Variants in ARHGEF28 observed in about 807,000 individuals in gnomAD.
ARHGEF28 encodes the protein Rho guanine nucleotide exchange factor 28, also known as 190 kDa guanine nucleotide exchange factor.
ARHGEF28 carries 152 observed loss-of-function variants against 206.6 expected under a neutral mutation model. That is an observed-to-expected ratio of 0.74 (90% CI 0.64 to 0.84). The LOEUF (loss-of-function observed/expected upper bound fraction) is 0.84. Ranked by LOEUF, ARHGEF28 falls within the 40% of genes least tolerant of loss-of-function variation. ARHGEF28 has a pLI of 0.00. For synonymous variants in ARHGEF28, 763 were observed against 776.4 expected (o/e 0.98, Z 0.29); for missense variants, 2,028 against 2,073.2 (o/e 0.98, Z 0.42).
At chr5:73,772,552 T>C (rs1753279850) in intron 4 of ARHGEF28, among the ~76,000 whole-genome samples, 1 of 152,150 alleles carries the variant, frequency 6.6e-6, no homozygotes, top group Non-Finnish European at 1.5e-5. Context: ...TTAATTTTTG[T>C]ATTTTTTGTG....
chr5:73,893,144 A>T, intron 27 of ARHGEF28, 53 bp from the exon 28 acceptor site: 1 of 1,400,422 alleles, frequency 7.1e-7, no homozygotes, highest in Non-Finnish European at 9.6e-7. Flanking sequence ...TAATGAATCT[A>T]CAGATACTTG....
intron 17 of ARHGEF28, 132 bp from the exon 18 acceptor site, chr5:73,865,833 T>A: frequency 1.4e-6 from 1 of 726,100 alleles, no homozygotes; most frequent in Non-Finnish European, 2.2e-6. Flanking sequence ...GTCTTTTGCT[T>A]TGAATTCCTC....
rs1055943207 is a variant in ARHGEF28, at chr5:73,813,389, C to T, written c.1024+17998C>T. ...AGTTTGGCTTTAATATTTACAGCCTCCTTGTCGGTCTACACGCCTGAATGC... is the reference window on the plus strand; with the variant it reads ...AGTTTGGCTTTAATATTTACAGCCTTCTTGTCGGTCTACACGCCTGAATGC... On this transcript the variant is annotated intron_variant, in intron 9 of 35. Coordinates refer to ENST00000513042, the MANE Select transcript of ARHGEF28 (RefSeq NM_001177693.2). 6 of 1,102,922 alleles carry T rather than the reference C, an allele frequency of 5.4e-6. No homozygotes were observed. In the Admixed American group the frequency reaches 9.3e-5, roughly 17 times the overall value. 68.3% of individuals were successfully genotyped at this position (1,102,922 alleles called of 1,614,324 possible). A position where few individuals can be genotyped will look rare whatever the true frequency, so the allele number is the denominator to read the frequency against.
Position 73,897,986 on chromosome 5 carries a change from A to G in ARHGEF28, c.3866A>G (p.Lys1289Arg), listed in dbSNP as rs1762053754. The change falls in exon 30 of 36, where the codon AAG (lysine) becomes AGG (arginine). Residue 1289 changes from lysine (K) to arginine (R), a missense_variant. This residue lies in a region of ARHGEF28 where 803 missense variants were observed against 768.0 expected (regional missense o/e 1.05). Coordinates refer to ENST00000513042, the MANE Select transcript of ARHGEF28 (RefSeq NM_001177693.2). ...KEAESLQVAV[K>R]ASQMGAVSQS... Reference sequence around the variant, plus strand: ...GCTGAGAGCCTACAAGTTGCAGTGAAGGCCTCACAGATGGGCGCCGTGAGT... The same window carrying G: ...GCTGAGAGCCTACAAGTTGCAGTGAGGGCCTCACAGATGGGCGCCGTGAGT... 1.9e-6 allele frequency: 3 copies of G among 1,589,534 alleles called. No homozygotes were observed. In the African/African-American group the frequency reaches 4.0e-5, roughly 21 times the overall value.
At chr5:73,899,755 C>T (rs1762160724) in intron 30 of ARHGEF28, 1 of 152,216 alleles carries the variant, frequency 6.6e-6, no homozygotes, top group Admixed American at 6.5e-5. Context: ...GCAGACAGCT[C>T]TATTTTCAGT....
chr5:73,891,941 G>A (rs1761668196), intron 26 of ARHGEF28, 111 bp from the exon 27 acceptor site: 1 of 923,478 alleles, frequency 1.1e-6, no homozygotes, highest in South Asian at 1.9e-5. Flanking sequence ...TGAAAAGATT[G>A]GAAGTGGAGA....
At chr5:73,790,771 T>A (rs1754434013) in intron 7 of ARHGEF28, among the ~76,000 whole-genome samples, 1 of 152,172 alleles carries the variant, frequency 6.6e-6, no homozygotes, top group Non-Finnish European at 1.5e-5. Flanking sequence ...AAGTAGTCTC[T>A]CAAGTGCCTT....
At chr5:73,893,354 G>C in intron 28 of ARHGEF28, 66 bp downstream of exon 28, 2 of 1,299,762 alleles carry the variant, frequency 1.5e-6, no homozygotes, top group Non-Finnish European at 2.1e-6. Context: ...AAGCCTGAGT[G>C]TCATGAACAG....
At chr5:73,736,633 G>A (rs1750953188) in intron 2 of ARHGEF28, among the ~76,000 whole-genome samples, 1 of 152,024 alleles carries the variant, frequency 6.6e-6, no homozygotes, top group Non-Finnish European at 1.5e-5. Context: ...AAATACTACT[G>A]TTTTTGCATT....
chr5:73,721,839 G>A (rs968800254), intron 2 of ARHGEF28, among the ~76,000 whole-genome samples: 1 of 152,150 alleles, frequency 6.6e-6, no homozygotes, highest in East Asian at 1.9e-4. Context: ...TAGTTGTCAG[G>A]CCAGTGCCCT....
chr5:73,892,408 G>T (rs149336191), intron 27 of ARHGEF28, among the ~76,000 whole-genome samples, 178 bp downstream of exon 27: 4 of 152,228 alleles, frequency 2.6e-5, no homozygotes, highest in African/African-American at 9.6e-5. Flanking sequence ...CTCCCTGCAT[G>T]TAATGCCTGC....
In ARHGEF28 at chr5:73,893,332, T is replaced by TG; in HGVS notation, c.3658+47dup. On this transcript the variant is annotated intron_variant, in intron 28 of 35. Coordinates refer to ENST00000513042, the MANE Select transcript of ARHGEF28 (RefSeq NM_001177693.2). ...TGGCTCCCTGGTCGTGGTGTTCTCC[T>TG]GGGTGTTGGGAAAGCCTGAGTGTCA... 6 of 1,457,294 alleles carry TG rather than the reference T, an allele frequency of 4.1e-6. 1 individual carries two copies. The South Asian group carries it at 8.6e-5, about 21-fold the overall frequency. 90.3% of individuals were successfully genotyped at this position (1,457,294 alleles called of 1,614,324 possible). A position where few individuals can be genotyped will look rare whatever the true frequency, so the allele number is the denominator to read the frequency against.
intron 2 of ARHGEF28, among the ~76,000 whole-genome samples, chr5:73,746,776 C>G (rs1015982366): frequency 2.0e-5 from 3 of 152,072 alleles, no homozygotes; most frequent in Non-Finnish European, 4.4e-5. Flanking sequence ...TTCCATGGGT[C>G]CATGTGTCTG....
At chr5:73,716,094 T>A (rs1193186477) in intron 2 of ARHGEF28, among the ~76,000 whole-genome samples, 1 of 152,180 alleles carries the variant, frequency 6.6e-6, no homozygotes, top group Non-Finnish European at 1.5e-5. Flanking sequence ...AATTTACTTG[T>A]CCTTAAGAAG....
At chr5:73,885,274 A>G (rs1397015888) in intron 24 of ARHGEF28, among the ~76,000 whole-genome samples, 2 of 152,066 alleles carry the variant, frequency 1.3e-5, no homozygotes, top group Non-Finnish European at 2.9e-5. Flanking sequence ...AAGAAGGTGG[A>G]AGGAAGGCCT....
chr5:73,724,422 T>C (rs1358516276), intron 2 of ARHGEF28, among the ~76,000 whole-genome samples: 1 of 152,206 alleles, frequency 6.6e-6, no homozygotes, highest in East Asian at 1.9e-4. Flanking sequence ...CTATATGCAG[T>C]GTGAACGTGC....
intron 7 of ARHGEF28, among the ~76,000 whole-genome samples, chr5:73,780,970 G>C (rs887536503): frequency 6.6e-6 from 1 of 152,184 alleles, no homozygotes; most frequent in Non-Finnish European, 1.5e-5. Context: ...AGTGCTGTTT[G>C]CCGGGACCTG....
In ARHGEF28 at chr5:73,906,199, A is replaced by G. The variant is rs532431271; in HGVS notation, c.4161+1794A>G. ...CAGTGCTCATCTTATTTATTTTTCT[A>G]TGCATATTTATATATCCTTCCACAA... On this transcript the variant is annotated intron_variant, in intron 33 of 35. Coordinates refer to ENST00000513042, the MANE Select transcript of ARHGEF28 (RefSeq NM_001177693.2). 3.6e-4 allele frequency among the ~76,000 whole-genome samples: 55 copies of G among 152,234 alleles called. 2 individuals are homozygous for G. Among genetic ancestry groups the G allele is most frequent in the Admixed American group, 3.3e-3 (50 of 15,298 alleles).
intron 22 of ARHGEF28, among the ~76,000 whole-genome samples, chr5:73,877,274 T>C (rs1760569567): frequency 6.6e-6 from 1 of 151,294 alleles, no homozygotes; most frequent in African/African-American, 2.4e-5. Context: ...GATATCCCCT[T>C]TATCATTTTT....
Sources: allele counts gnomAD v4.1 joint callset (sites outside exome capture counted in the v4.1 genomes callset), GRCh38; gene constraint gnomAD v4.1.1; regional missense constraint gnomAD v4.1.1; transcripts MANE v1.5; gene names NCBI Gene and HGNC (gene_info 2026-07-23, HGNC 2026-07-21).